The following LITAF variants were observed in gnomAD, a reference collection of about 807,000 sequenced individuals.
The protein encoded by LITAF is lipopolysaccharide-induced tumor necrosis factor-alpha factor.
A neutral mutation model predicts 14.5 loss-of-function variants in LITAF; 9 were observed. That is an observed-to-expected ratio of 0.62 (90% CI 0.37 to 1.08). The LOEUF (loss-of-function observed/expected upper bound fraction) is 1.08, where lower values mean the gene tolerates loss of function less well. Ranked by LOEUF, LITAF falls within the 50% of genes least tolerant of loss-of-function variation. The pLI is 0.01. For missense variants in LITAF, 206 were observed against 213.4 expected (o/e 0.97, Z 0.22); for synonymous variants, 98 against 88.2 (o/e 1.11, Z -0.62).
intron 1 of LITAF, among the ~76,000 whole-genome samples, chr16:11,577,696 T>C (rs1377383002): frequency 6.6e-6 from 1 of 151,762 alleles, no homozygotes; most frequent in South Asian, 2.1e-4. Context: ...AGATACTCCC[T>C]CTCCAGGGGA....
chr16:11,618,310 C>T (rs963180000), intron 3 of LITAF, among the ~76,000 whole-genome samples: 3 of 152,230 alleles, frequency 2.0e-5, no homozygotes, highest in Non-Finnish European at 4.4e-5. Context: ...ACTAGTCTAG[C>T]AGGTGCCTCC....
upstream of LITAF, among the ~76,000 whole-genome samples, chr16:11,598,710 C>A (rs1228254660): frequency 6.6e-6 from 1 of 152,126 alleles, no homozygotes; most frequent in South Asian, 2.1e-4. Context: ...CCTGAGCCAG[C>A]GCCTCCCTTC....
At chr16:11,599,661 C>A (rs2064915496), upstream of LITAF, among the ~76,000 whole-genome samples, 1 of 152,134 alleles carries the variant, frequency 6.6e-6, no homozygotes, top group African/African-American at 2.4e-5. Flanking sequence ...GCGGCAGAGC[C>A]CTTCCTGAGA....
chr16:11,556,197 G>C (rs1482905213), intron 2 of LITAF: 1 of 486,858 alleles, frequency 2.1e-6, no homozygotes, highest in Non-Finnish European at 3.6e-6. Context: ...ACCTCAGGAG[G>C]AAGTGTGCGG....
chr16:11,554,614 G>A (rs1372043406), intron 2 of LITAF, among the ~76,000 whole-genome samples: 1 of 151,886 alleles, frequency 6.6e-6, no homozygotes, highest in Non-Finnish European at 1.5e-5. Flanking sequence ...CCAACATGGT[G>A]AAACCCTGTT....
chr16:11,563,153 TA>T (rs1256840588), intron 1 of LITAF, among the ~76,000 whole-genome samples: 1 of 126,872 alleles, frequency 7.9e-6, no homozygotes, highest in Non-Finnish European at 1.7e-5. Context: ...ATAATAATAA[TA>T]ATTTTTTTTT....
upstream of LITAF, among the ~76,000 whole-genome samples, chr16:11,601,666 C>T (rs2064927035): frequency 6.6e-6 from 1 of 152,110 alleles, no homozygotes; most frequent in Non-Finnish European, 1.5e-5. Flanking sequence ...ACTTCCTGGG[C>T]TCAATCAATC....
At chr16:11,568,679 T>TTTG (rs1555468719) in intron 1 of LITAF, among the ~76,000 whole-genome samples, 22 of 129,280 alleles carry the variant, frequency 1.7e-4, no homozygotes, top group African/African-American at 6.7e-4. Context: ...CCTTGTTTTT[T>TTTG]TTTGTTTTTT....
intron 1 of LITAF, among the ~76,000 whole-genome samples, chr16:11,597,268 G>A (rs1295497466): frequency 6.6e-6 from 1 of 152,086 alleles, no homozygotes; most frequent in Non-Finnish European, 1.5e-5. Context: ...TCTCTTCCTT[G>A]TAGCCTCCAG....
At chr16:11,562,200 C>T (rs1242077513) in intron 1 of LITAF, among the ~76,000 whole-genome samples, 1 of 150,960 alleles carries the variant, frequency 6.6e-6, no homozygotes, top group East Asian at 2.0e-4. Flanking sequence ...GGATTACAGG[C>T]ATGAGCCACC....
intron 1 of LITAF, among the ~76,000 whole-genome samples, chr16:11,568,683 GTT>G (rs757940935): frequency 3.0e-5 from 4 of 133,882 alleles, no homozygotes; most frequent in Admixed American, 7.7e-5. Context: ...GTTTTTTTTT[GTT>G]TTTTTTTTTT....
upstream of LITAF, among the ~76,000 whole-genome samples, chr16:11,638,121 G>T (rs919764052): frequency 3.1e-3 from 379 of 120,470 alleles, 49 homozygotes; most frequent in African/African-American, 6.7e-3. Flanking sequence ...TATCTATATA[G>T]ATAGATAGAT....
chr16:11,554,686 G>C (rs1217922531), intron 2 of LITAF, among the ~76,000 whole-genome samples: 1 of 151,438 alleles, frequency 6.6e-6, no homozygotes, highest in Non-Finnish European at 1.5e-5. Context: ...TACTTGGGAG[G>C]CTGAGGCAGG....
In LITAF at chr16:11,575,939, G is replaced by T. The variant is rs1398392767; in HGVS notation, c.-6+10947C>A. Among the ~76,000 whole-genome samples the T allele has an allele frequency of 2.6e-5, 4 of 152,160 alleles. 1 individual carries two copies. Among genetic ancestry groups the T allele is most frequent in the Admixed American group, 2.6e-4 (4 of 15,274 alleles). Reference sequence around the variant, plus strand: ...TGTGTTGCCAAGGCTGCAGTGCAGTGGCGCAATCATAGCTTACTACAGCCT... The same window carrying T: ...TGTGTTGCCAAGGCTGCAGTGCAGTTGCGCAATCATAGCTTACTACAGCCT... On this transcript the variant is annotated intron_variant, in intron 1 of 3. Transcript: ENST00000622633.
rs575648527 is a variant in LITAF, at chr16:11,555,603, G to A, written c.220+908C>T. On this transcript the variant is annotated intron_variant, in intron 2 of 3. Transcript: ENST00000622633. ...GAGCCCAGGAGGTCCAGGCTATAGC[G>A]AGCCATGACTGCACCACTGCACTCC... Among the ~76,000 whole-genome samples, 39 of 150,974 alleles carry A rather than the reference G, an allele frequency of 2.6e-4. 2 individuals are homozygous for A. The South Asian group carries it at 6.1e-3, about 23-fold the overall frequency.
chr16:11,629,508 C>T (rs952206091), intron 3 of LITAF, among the ~76,000 whole-genome samples: 5 of 147,636 alleles, frequency 3.4e-5, no homozygotes, highest in Admixed American at 6.7e-5. Context: ...GACCTGTCCT[C>T]GGCCAGTCGG....
intron 1 of LITAF, among the ~76,000 whole-genome samples, chr16:11,567,997 G>A (rs1191022747): frequency 6.7e-6 from 1 of 149,612 alleles, no homozygotes; most frequent in South Asian, 2.1e-4. Context: ...AAATAAAGAC[G>A]GTAGTTCCAG....
chr16:11,564,761 C>T (rs1383062756), intron 1 of LITAF, among the ~76,000 whole-genome samples: 1 of 152,044 alleles, frequency 6.6e-6, no homozygotes, highest in African/African-American at 2.4e-5. Context: ...TCCGGCTCCA[C>T]GACAGCCCTG....
intron 1 of LITAF, among the ~76,000 whole-genome samples, chr16:11,576,209 C>T (rs963114599): frequency 6.6e-6 from 1 of 152,132 alleles, no homozygotes; most frequent in African/African-American, 2.4e-5. Flanking sequence ...TGGCTCATGC[C>T]TGTAATCCCA....
Sources: gnomAD v4.1 joint callset for allele counts (sites outside exome capture counted in the v4.1 genomes callset) on GRCh38, gnomAD v4.1.1 for gene constraint, MANE v1.5 for transcripts, NCBI Gene and HGNC (gene_info 2026-07-23, HGNC 2026-07-21) for gene names.